The following TNKS variants were observed in gnomAD, a reference collection of about 807,000 sequenced individuals.
TNKS encodes poly [ADP-ribose] polymerase tankyrase-1.
Under a neutral mutation model 135.8 loss-of-function variants are expected in TNKS, and 72 were observed. The observed-to-expected ratio is 0.53, with a 90% confidence interval of 0.44 to 0.64. TNKS has a LOEUF of 0.64. Among genes scored for constraint, TNKS ranks in the 30% least tolerant of loss-of-function variants. TNKS has a pLI of 0.00. For missense variants in TNKS, 1,769 were observed against 1,674.0 expected (o/e 1.06, Z -0.99); for synonymous variants, 849 against 649.3 (o/e 1.31, Z -4.68).
intron 17 of TNKS, among the ~76,000 whole-genome samples, chr8:9,740,536 G>A (rs1805887711): frequency 6.6e-6 from 1 of 152,212 alleles, no homozygotes; most frequent in Admixed American, 6.5e-5. Flanking sequence ...TACTTTTAAG[G>A]AAAGCAACAA....
At chr8:9,771,416 TACTA>T (rs1563225366) in intron 26 of TNKS, among the ~76,000 whole-genome samples, 5 of 61,352 alleles carry the variant, frequency 8.1e-5, no homozygotes, top group African/African-American at 2.9e-4. Flanking sequence ...GGGAGACAGA[TACTA>T]AGGAAGGGAG....
At chr8:9,658,060 G>A (rs376384452) in intron 3 of TNKS, among the ~76,000 whole-genome samples, 1 of 84,844 alleles carries the variant, frequency 1.2e-5, no homozygotes, top group African/African-American at 4.8e-5. Flanking sequence ...GGGCAGAGAC[G>A]CTCCTCACTT....
intron 1 of TNKS, 120 bp from the exon 2 acceptor site, chr8:9,580,039 C>T (rs1798108951): frequency 1.3e-6 from 1 of 759,988 alleles, no homozygotes; most frequent in Non-Finnish European, 2.2e-6. Flanking sequence ...TGTTTTACAC[C>T]ATTTACTATA....
At position 9,764,744 on chromosome 8, in the gene TNKS, ATGG is replaced by A. The variant is rs1213747899; in HGVS notation, c.3406_3408del (p.Gly1136del). On this transcript the variant is annotated inframe_deletion, in exon 23 of 27. Coordinates refer to ENST00000310430, the MANE Select transcript of TNKS (RefSeq NM_003747.3). ...CAAAGTACTATTCGAGAACACAGAG[ATGG>A]TGGTAATGCTGGCGGCATCTTCAAC... The A allele has an allele frequency of 6.2e-7, 1 of 1,600,014 alleles. No homozygotes were observed. The highest frequency in any genetic ancestry group is 1.3e-5 in the African/African-American group (1 of 74,134).
At chr8:9,711,867 T>G (rs990774357) in intron 11 of TNKS, among the ~76,000 whole-genome samples, 2 of 152,226 alleles carry the variant, frequency 1.3e-5, no homozygotes, top group Non-Finnish European at 2.9e-5. Context: ...AGCCGTCATA[T>G]CTACATAATT....
intron 22 of TNKS, 53 bp downstream of exon 22, chr8:9,763,297 C>G (rs898424161): frequency 4.7e-6 from 6 of 1,286,520 alleles, no homozygotes; most frequent in Non-Finnish European, 6.6e-6. Context: ...TGTGGATAAA[C>G]CTCTTTTTCT....
At chr8:9,726,351 C>G (rs1460077633) in intron 12 of TNKS, among the ~76,000 whole-genome samples, 2 of 152,162 alleles carry the variant, frequency 1.3e-5, no homozygotes, top group East Asian at 3.9e-4. Context: ...GATCACGCCA[C>G]TGCACTGCAG....
At chr8:9,771,183 G>C (rs915177666) in intron 26 of TNKS, among the ~76,000 whole-genome samples, 2 of 147,614 alleles carry the variant, frequency 1.4e-5, no homozygotes, top group East Asian at 2.0e-4. Context: ...GGAGAGAAGA[G>C]AGGAAGGAAG....
chr8:9,765,926 A>C, intron 24 of TNKS, 129 bp downstream of exon 24: 2 of 733,876 alleles, frequency 2.7e-6, no homozygotes, highest in Non-Finnish European at 4.4e-6. Flanking sequence ...TATTTTGTTC[A>C]AATAATTACT....
chr8:9,667,364 T>G (rs1802043851), intron 3 of TNKS, among the ~76,000 whole-genome samples: 1 of 152,226 alleles, frequency 6.6e-6, no homozygotes, highest in South Asian at 2.1e-4. Flanking sequence ...AACCAGGCCA[T>G]TGTCTGTGAA....
In TNKS at chr8:9,778,187, A is replaced by T. The variant is rs1251830907; in HGVS notation, c.*1451A>T. The T allele has an allele frequency of 6.6e-6, 1 of 152,542 alleles. No individual in the cohort carries two copies. Among genetic ancestry groups the T allele is most frequent in the African/African-American group, 2.4e-5 (1 of 41,420 alleles). 9.4% of individuals were successfully genotyped at this position (152,542 alleles called of 1,614,324 possible). On this transcript the variant is annotated 3_prime_UTR_variant, in exon 27 of 27. Transcript: ENST00000310430. ...TATAGTTCTTACACTTGCCCTTTTC[A>T]CCTTAACTGAATATGAATTGAGTGC...
intron 3 of TNKS, among the ~76,000 whole-genome samples, chr8:9,632,387 A>C (rs1800325024): frequency 6.6e-6 from 1 of 152,132 alleles, no homozygotes; most frequent in Non-Finnish European, 1.5e-5. Context: ...CCAATTATTA[A>C]CGTATTTCAG....
At chr8:9,660,265 C>T (rs1801631138) in intron 3 of TNKS, among the ~76,000 whole-genome samples, 1 of 152,160 alleles carries the variant, frequency 6.6e-6, no homozygotes, top group African/African-American at 2.4e-5. Context: ...GATACCAAAG[C>T]CTGGCAGAGA....
intron 5 of TNKS, among the ~76,000 whole-genome samples, chr8:9,702,830 A>G (rs911383380): frequency 2.0e-4 from 30 of 152,184 alleles, no homozygotes; most frequent in Non-Finnish European, 3.5e-4. Context: ...AGTCTGGCCA[A>G]CATGGTGACA....
At chr8:9,765,671 C>CTTTCT in intron 23 of TNKS, 21 bp from the exon 24 acceptor site, 1 of 1,593,356 alleles carries the variant, frequency 6.3e-7, no homozygotes, top group Non-Finnish European at 8.6e-7. Flanking sequence ...GATAATGTTT[C>CTTTCT]TTTCTTCTTC....
At chr8:9,755,929 T>C (rs1017259563) in intron 20 of TNKS, among the ~76,000 whole-genome samples, 2 of 152,240 alleles carry the variant, frequency 1.3e-5, no homozygotes, top group Non-Finnish European at 2.9e-5. Context: ...CCATAGATAC[T>C]TTGCCAAGTT....
Position 9,556,582 on chromosome 8 carries a change from C to A in TNKS, c.643C>A (p.Arg215=). ...ANVNAKDMAG[R]KSSPLHFAAG... Reference sequence around the variant, plus strand: ...CGTAAATGCAAAGGACATGGCCGGCCGGAAGTCTTCTCCCCTGCACTTCGC... The same window carrying A: ...CGTAAATGCAAAGGACATGGCCGGCAGGAAGTCTTCTCCCCTGCACTTCGC... The change falls in exon 1 of 27, where the codon CGG becomes AGG. Residue 215 remains arginine, a synonymous_variant. Coordinates refer to ENST00000310430, the MANE Select transcript of TNKS (RefSeq NM_003747.3). The A allele has an allele frequency of 6.2e-7, 1 of 1,613,794 alleles. No homozygotes were observed. The highest frequency in any genetic ancestry group is 8.5e-7 in the Non-Finnish European group (1 of 1,180,030).
At chr8:9,757,221 C>T (rs1039598010) in intron 20 of TNKS, among the ~76,000 whole-genome samples, 10 of 152,194 alleles carry the variant, frequency 6.6e-5, no homozygotes, top group East Asian at 3.9e-4. Context: ...GTGATCTGCC[C>T]GCCTTGGCCT....
At chr8:9,741,295 C>T (rs749276696) in intron 17 of TNKS, among the ~76,000 whole-genome samples, 1 of 152,036 alleles carries the variant, frequency 6.6e-6, no homozygotes, top group Admixed American at 6.6e-5. Flanking sequence ...CTTTTATCGT[C>T]TCTGTAAACT....
Sources: allele counts gnomAD v4.1 joint callset (sites outside exome capture counted in the v4.1 genomes callset), GRCh38; gene constraint gnomAD v4.1.1; transcripts MANE v1.5; gene names NCBI Gene and HGNC (gene_info 2026-07-23, HGNC 2026-07-21).